Variants in NCAM2 observed in about 807,000 individuals in gnomAD.
NCAM2 encodes the protein N-CAM-2.
In NCAM2, 30 loss-of-function variants were observed where a neutral mutation model predicts 98.1. That is an observed-to-expected ratio of 0.31 (90% CI 0.23 to 0.41). The LOEUF (loss-of-function observed/expected upper bound fraction) is 0.41. Among genes scored for constraint, NCAM2 ranks in the 10% least tolerant of loss-of-function variants. The pLI, the probability that NCAM2 is intolerant of heterozygous loss-of-function variation, is 1.00. For synonymous variants in NCAM2, 368 were observed against 342.4 expected (o/e 1.07, Z -0.83); for missense variants, 867 against 1,005.8 (o/e 0.86, Z 1.87).
At chr21:21,325,387 G>C (rs778527827) in intron 6 of NCAM2, among the ~76,000 whole-genome samples, 9 of 152,094 alleles carry the variant, frequency 5.9e-5, no homozygotes, top group South Asian at 2.1e-4. Context: ...TTTTTTGCTT[G>C]AGCATGTACT....
chr21:21,123,445 A>G (rs1029498691), intron 1 of NCAM2, among the ~76,000 whole-genome samples: 1 of 152,046 alleles, frequency 6.6e-6, no homozygotes, highest in African/African-American at 2.4e-5. Context: ...ATTTTTAAAA[A>G]CACAGTAAAT....
Position 21,321,575 on chromosome 21 carries a change from T to A in NCAM2, c.620-2808T>A, listed in dbSNP as rs995296327. On this transcript the variant is annotated intron_variant, in intron 5 of 17. Coordinates refer to ENST00000400546, the MANE Select transcript of NCAM2 (RefSeq NM_004540.5). ...GCGTTACATTTAACCCTTTAATCCA[T>A]CTTAAGTTAATCTTTGTGTATGATG... Among the ~76,000 whole-genome samples, 6 of 152,164 alleles carry A rather than the reference T, an allele frequency of 3.9e-5. No individual in the cohort carries two copies. The East Asian group carries it at 1.2e-3, about 29-fold the overall frequency.
intron 1 of NCAM2, among the ~76,000 whole-genome samples, chr21:21,127,223 A>T (rs1008527778): frequency 6.6e-6 from 1 of 151,926 alleles, no homozygotes; most frequent in Admixed American, 6.6e-5. Context: ...CAAGAAATAC[A>T]TTTCCAAATG....
chr21:21,213,598 T>C (rs1283839254), intron 1 of NCAM2, among the ~76,000 whole-genome samples: 2 of 152,284 alleles, frequency 1.3e-5, no homozygotes, highest in Admixed American at 1.3e-4. Context: ...TTATGCCTTT[T>C]ACACCTAAAA....
chr21:21,236,829 A>G (rs1443805871), intron 1 of NCAM2, among the ~76,000 whole-genome samples: 5 of 151,888 alleles, frequency 3.3e-5, no homozygotes, highest in Non-Finnish European at 5.9e-5. Flanking sequence ...TGGAGTCTTC[A>G]TGCTTTCCCT....
Position 21,235,231 on chromosome 21 carries a change from A to T in NCAM2, c.56-45347A>T, listed in dbSNP as rs1235416182. Among the ~76,000 whole-genome samples, 4 of 152,182 alleles carry T rather than the reference A, an allele frequency of 2.6e-5. No individual in the cohort carries two copies. The East Asian group carries it at 5.8e-4, about 22-fold the overall frequency. The stretch of plus-strand genomic sequence containing the variant: ...AAGCTTCATATCTTTGCTTTTTAAA[A>T]TCAATTCAATTTTTTATAAGAACTT... On this transcript the variant is annotated intron_variant, in intron 1 of 17. Transcript: ENST00000400546.
chr21:21,240,511 C>T (rs1401764759), intron 1 of NCAM2, among the ~76,000 whole-genome samples: 1 of 152,120 alleles, frequency 6.6e-6, no homozygotes, highest in Non-Finnish European at 1.5e-5. Flanking sequence ...CAGAGAGCCT[C>T]ATGGTGTGGT....
At chr21:21,346,060 A>G (rs1568959996) in intron 8 of NCAM2, among the ~76,000 whole-genome samples, 1 of 152,046 alleles carries the variant, frequency 6.6e-6, no homozygotes, top group African/African-American at 2.4e-5. Context: ...AACATTGAAT[A>G]TAAATGGACT....
At chr21:21,205,032 A>G (rs534016588) in intron 1 of NCAM2, among the ~76,000 whole-genome samples, 1 of 140,894 alleles carries the variant, frequency 7.1e-6, no homozygotes, top group East Asian at 1.9e-4. Context: ...GCAAAATAAC[A>G]TATATATATA....
intron 5 of NCAM2, among the ~76,000 whole-genome samples, chr21:21,323,324 G>C (rs232465): frequency 6.6e-6 from 1 of 151,806 alleles, no homozygotes. Flanking sequence ...AAATTCATAA[G>C]GGCAGAAACT....
chr21:21,450,318 G>T (rs935347029), intron 12 of NCAM2, among the ~76,000 whole-genome samples: 2 of 151,448 alleles, frequency 1.3e-5, no homozygotes, highest in Non-Finnish European at 2.9e-5. Context: ...GTGTGTGTGT[G>T]TGCCTCATGT....
At chr21:21,315,956 A>T (rs965153259) in intron 5 of NCAM2, among the ~76,000 whole-genome samples, 9 of 152,202 alleles carry the variant, frequency 5.9e-5, no homozygotes, top group African/African-American at 2.2e-4. Flanking sequence ...AAACTTGTTG[A>T]CATATATATG....
chr21:21,153,558 A>AG (rs2146724369), intron 1 of NCAM2, among the ~76,000 whole-genome samples: 1 of 152,126 alleles, frequency 6.6e-6, no homozygotes, highest in African/African-American at 2.4e-5. Context: ...ATCCATTTTA[A>AG]GTAGTGGAAA....
At chr21:21,343,469 C>T (rs1460156484) in intron 8 of NCAM2, among the ~76,000 whole-genome samples, 5 of 151,938 alleles carry the variant, frequency 3.3e-5, no homozygotes, top group African/African-American at 1.2e-4. Flanking sequence ...GAAAGAGTCA[C>T]TGAAGTGATA....
intron 4 of NCAM2, among the ~76,000 whole-genome samples, chr21:21,289,756 G>A (rs1240328614): frequency 3.3e-5 from 5 of 151,872 alleles, no homozygotes; most frequent in Admixed American, 1.3e-4. Flanking sequence ...CTGCTACTAC[G>A]GAGTTTGTAA....
intron 1 of NCAM2, among the ~76,000 whole-genome samples, chr21:21,263,195 T>C (rs1010412739): frequency 1.3e-5 from 2 of 152,130 alleles, no homozygotes; most frequent in Non-Finnish European, 2.9e-5. Context: ...ATCAGTTGCA[T>C]TTCTATATGC....
chr21:21,374,555 G>A (rs1441959430), intron 9 of NCAM2, among the ~76,000 whole-genome samples: 2 of 151,822 alleles, frequency 1.3e-5, no homozygotes, highest in Non-Finnish European at 2.9e-5. Context: ...ATTTAAAAAT[G>A]TACATAACCA....
chr21:21,424,371 T>G (rs886294501), intron 11 of NCAM2, among the ~76,000 whole-genome samples: 2 of 152,196 alleles, frequency 1.3e-5, no homozygotes, highest in Non-Finnish European at 2.9e-5. Context: ...AAATAATACA[T>G]GGCATCTGGT....
intron 1 of NCAM2, among the ~76,000 whole-genome samples, chr21:21,178,780 T>C (rs756400244): frequency 6.6e-6 from 1 of 151,950 alleles, no homozygotes; most frequent in South Asian, 2.1e-4. Context: ...TAAAATAATA[T>C]ATTTTTAATA....
Sources: gnomAD v4.1 joint callset for allele counts (sites outside exome capture counted in the v4.1 genomes callset) on GRCh38, gnomAD v4.1.1 for gene constraint, MANE v1.5 for transcripts, NCBI Gene and HGNC (gene_info 2026-07-23, HGNC 2026-07-21) for gene names.